The following NR3C2 variants were observed in gnomAD, a reference collection of about 807,000 sequenced individuals.
The protein encoded by NR3C2 is nuclear receptor subfamily 3 group C member 2, also known as mineralocorticoid receptor.
A neutral mutation model predicts 86.4 loss-of-function variants in NR3C2; 15 were observed. The ratio of observed to expected loss-of-function variants is 0.17; its 90% CI spans 0.12 to 0.27. NR3C2 has a LOEUF of 0.27. Among genes scored for constraint, NR3C2 ranks in the 10% least tolerant of loss-of-function variants. The pLI is 1.00. For synonymous variants in NR3C2, 458 were observed against 450.5 expected, an observed-to-expected ratio of 1.02 and a Z score of -0.21; for missense variants, 960 against 1,195.6, an observed-to-expected ratio of 0.80 and a Z score of 2.91.
intron 2 of NR3C2, among the ~76,000 whole-genome samples, chr4:148,408,654 G>A (rs930068087): frequency 6.6e-6 from 1 of 151,966 alleles, no homozygotes; most frequent in Admixed American, 6.6e-5. Context: ...TTACCAATAG[G>A]CAACCATTTT....
intron 2 of NR3C2, among the ~76,000 whole-genome samples, chr4:148,321,053 G>A (rs1293253888): frequency 3.3e-5 from 5 of 151,272 alleles, no homozygotes; most frequent in South Asian, 4.2e-4. Context: ...CTTTGAATGC[G>A]TCCCAGAGAT....
intron 2 of NR3C2, among the ~76,000 whole-genome samples, chr4:148,333,124 A>G (rs1386310890): frequency 6.6e-6 from 1 of 151,964 alleles, no homozygotes; most frequent in Non-Finnish European, 1.5e-5. Flanking sequence ...AAAAAAAATT[A>G]GCCAGGCATG....
At chr4:148,168,405 T>C (rs1422385073) in intron 4 of NR3C2, among the ~76,000 whole-genome samples, 1 of 152,138 alleles carries the variant, frequency 6.6e-6, no homozygotes, top group Non-Finnish European at 1.5e-5. Context: ...TTTAATCTAT[T>C]TTAGATGAGA....
chr4:148,132,833 C>T (rs907353756), intron 6 of NR3C2, among the ~76,000 whole-genome samples: 1 of 152,248 alleles, frequency 6.6e-6, no homozygotes, highest in African/African-American at 2.4e-5. Flanking sequence ...TGGAGACTCA[C>T]GATCACTTAA....
chr4:148,244,698 A>AT (rs1213120521), intron 3 of NR3C2, among the ~76,000 whole-genome samples: 2 of 152,144 alleles, frequency 1.3e-5, no homozygotes, highest in African/African-American at 2.4e-5. Flanking sequence ...AGAGCCTAGT[A>AT]TTTTTTTAAA....
At chr4:148,336,053 T>C (rs1744471274) in intron 2 of NR3C2, among the ~76,000 whole-genome samples, 1 of 152,186 alleles carries the variant, frequency 6.6e-6, no homozygotes, top group Non-Finnish European at 1.5e-5. Flanking sequence ...AAGCATGCTA[T>C]TTCCCTCTCT....
intron 2 of NR3C2, among the ~76,000 whole-genome samples, chr4:148,324,217 G>A (rs1512337): frequency 0.7 from 106,248 of 152,108 alleles, 37,686 homozygotes; most frequent in East Asian, 0.88. Context: ...AAGGTCGCAC[G>A]GTATTTGTCT....
Position 148,435,864 on chromosome 4 carries a change from T to C in NR3C2, c.997A>G (p.Ile333Val). Residue 333 changes from isoleucine to valine, a missense_variant, in exon 2 of 9, where the codon ATC becomes GTC. Around this residue, in one of 4 missense-constraint regions of NR3C2, gnomAD observed 680 missense variants for 719.0 expected, o/e 0.95. Coordinates refer to ENST00000358102, the MANE Select transcript of NR3C2 (RefSeq NM_000901.5). Reference protein sequence around the residue: ...SSPAASTVGSICSPVNNAFSY... With the variant: ...SSPAASTVGSVCSPVNNAFSY... ...AAGGCATTGTTTACAGGGCTACAGA[T>C]AGATCCCACAGTACTGGCTGCCGGA... 2 of 1,614,188 alleles carry C rather than the reference T, an allele frequency of 1.2e-6. No individual in the cohort carries two copies. Among genetic ancestry groups the C allele is most frequent in the Non-Finnish European group, 1.7e-6 (2 of 1,180,020 alleles).
chr4:148,107,020 C>T (rs1473505968), intron 8 of NR3C2, among the ~76,000 whole-genome samples: 1 of 152,144 alleles, frequency 6.6e-6, no homozygotes, highest in Non-Finnish European at 1.5e-5. Context: ...GAGATTTAAT[C>T]ACGCTAAAGA....
At chr4:148,387,587 C>T (rs1269530517) in intron 2 of NR3C2, among the ~76,000 whole-genome samples, 2 of 152,160 alleles carry the variant, frequency 1.3e-5, no homozygotes, top group Non-Finnish European at 2.9e-5. Flanking sequence ...TGACTGAATG[C>T]TAACTTCTTT....
intron 3 of NR3C2, among the ~76,000 whole-genome samples, chr4:148,213,653 T>G (rs545995302): frequency 6.6e-6 from 1 of 151,792 alleles, no homozygotes; most frequent in Non-Finnish European, 1.5e-5. Context: ...ACAGCCATTC[T>G]GCCTAAAAAC....
chr4:148,412,942 G>A (rs543818626), intron 2 of NR3C2, among the ~76,000 whole-genome samples: 1 of 152,290 alleles, frequency 6.6e-6, no homozygotes, highest in Non-Finnish European at 1.5e-5. Context: ...TATCACTTGA[G>A]CTTTTCCAGT....
At chr4:148,417,066 C>T (rs1250021490) in intron 2 of NR3C2, among the ~76,000 whole-genome samples, 2 of 152,114 alleles carry the variant, frequency 1.3e-5, no homozygotes, top group Non-Finnish European at 2.9e-5. Flanking sequence ...CGTGAGCCAC[C>T]GCACCTGGCC....
At chr4:148,421,669 CT>C (rs1196684033) in intron 2 of NR3C2, among the ~76,000 whole-genome samples, 1 of 152,112 alleles carries the variant, frequency 6.6e-6, no homozygotes, top group Non-Finnish European at 1.5e-5. Context: ...TTAATTTTAA[CT>C]TGTTTTATGT....
rs79382827 is a variant in NR3C2 at position 148,144,095 on chromosome 4, G to A, written c.2510+8374C>T. Among the ~76,000 whole-genome samples, 803 of 152,054 alleles carry A rather than the reference G, an allele frequency of 5.3e-3. 9 individuals are homozygous for A. The highest frequency in any genetic ancestry group is 0.018 in the African/African-American group (751 of 41,442). The stretch of plus-strand genomic sequence containing the variant: ...CCCTATCTTCTGCGTGCTCAGTCTC[G>A]GAACTTCTCTCATTATGATGTAACT... On this transcript the variant is annotated intron_variant, in intron 6 of 8. Transcript: ENST00000358102.
rs1194370501 is a variant in NR3C2, at chr4:148,136,105, C to CA, written c.2511-15818dup. On this transcript the variant is annotated intron_variant, in intron 6 of 8. Coordinates refer to ENST00000358102, the MANE Select transcript of NR3C2 (RefSeq NM_000901.5). ...AAAAAAAAAACACCACCAAAACCAA[C>CA]AAAAAAAACAAACAAAAAAACTTTG... is the stretch of plus-strand genomic sequence containing the variant. 4.3e-4 allele frequency among the ~76,000 whole-genome samples: 58 copies of CA among 134,314 alleles called. 1 individual carries two copies. The highest frequency in any genetic ancestry group is 1.0e-3 in the South Asian group (4 of 4,010). 88.1% of individuals were successfully genotyped at this position (134,314 alleles called of 152,430 possible).
chr4:148,128,393 G>A (rs1218842283), intron 6 of NR3C2, among the ~76,000 whole-genome samples: 2 of 152,210 alleles, frequency 1.3e-5, no homozygotes, highest in Non-Finnish European at 2.9e-5. Flanking sequence ...CAAATTAAAT[G>A]TAATCGTAGA....
chr4:148,207,790 C>A (rs1737077694), intron 3 of NR3C2, among the ~76,000 whole-genome samples: 1 of 152,218 alleles, frequency 6.6e-6, no homozygotes, highest in African/African-American at 2.4e-5. Context: ...CCTGAAACCA[C>A]AGATAGTACC....
intron 2 of NR3C2, among the ~76,000 whole-genome samples, chr4:148,411,217 T>C (rs1410754404): frequency 7.1e-6 from 1 of 141,594 alleles, no homozygotes; most frequent in East Asian, 2.2e-4. Context: ...GGCCCAGCAA[T>C]TGGTAGCAAA....
Sources: allele counts gnomAD v4.1 joint callset (sites outside exome capture counted in the v4.1 genomes callset), GRCh38; gene constraint gnomAD v4.1.1; regional missense constraint gnomAD v4.1.1; transcripts MANE v1.5; gene names NCBI Gene and HGNC (gene_info 2026-07-23, HGNC 2026-07-21).